RBM4: variants seen among roughly 807,000 people sequenced by gnomAD.
The protein encoded by RBM4 is RNA binding motif protein 4.
RBM4 carries 7 observed loss-of-function variants against 29.5 expected under a neutral mutation model. That is an observed-to-expected ratio of 0.24 (90% confidence interval 0.14 to 0.45). The LOEUF (loss-of-function observed/expected upper bound fraction) is 0.45, where lower values mean the gene tolerates loss of function less well. RBM4 is among the 20% of genes least tolerant of loss of function. RBM4 has a pLI of 1.00. For missense variants in RBM4, 387 were observed against 502.3 expected (o/e 0.77, Z 2.19); for synonymous variants, 220 against 205.4 (o/e 1.07, Z -0.61).
chr11:66,656,106 G>A (rs1255965931), intron 2 of RBM4, among the ~76,000 whole-genome samples: 1 of 151,950 alleles, frequency 6.6e-6, no homozygotes, highest in Non-Finnish European at 1.5e-5. Flanking sequence ...GAGTAGCTGG[G>A]ATTACAGGTG....
downstream of RBM4, among the ~76,000 whole-genome samples, chr11:66,650,638 C>T (rs565204122): frequency 8.6e-5 from 13 of 151,496 alleles, no homozygotes; most frequent in South Asian, 4.2e-4. Flanking sequence ...CCGAGGTGGG[C>T]GGATCACGAG....
intron 2 of RBM4, chr11:66,665,278 C>T (rs1274023790): frequency 9.7e-6 from 4 of 413,310 alleles, no homozygotes; most frequent in South Asian, 8.7e-5. Context: ...GGATTCAACT[C>T]CTAGGGAAAG....
chr11:66,639,701 C>T lies in RBM4; in HGVS notation c.-11C>T, dbSNP rs774674888. On this transcript the variant is annotated splice_region_variant and 5_prime_UTR_variant, in exon 2 of 4. Transcript: ENST00000310092. The stretch of plus-strand genomic sequence containing the variant: ...AGATGTCTTGTTTTTCTCTCCCAGG[C>T]TCTTGTCAGGATGGTGAAGCTGTTC... The T allele has an allele frequency of 3.7e-6, 6 of 1,611,720 alleles. No individual in the cohort carries two copies. The highest frequency in any genetic ancestry group is 1.7e-5 in the Admixed American group (1 of 59,928).
At chr11:66,644,913 G>A (rs1938625560) in intron 3 of RBM4, among the ~76,000 whole-genome samples, 1 of 150,904 alleles carries the variant, frequency 6.6e-6, no homozygotes, top group South Asian at 2.1e-4. Flanking sequence ...AGCCCAGCCT[G>A]TCACTTACTT....
intron 2 of RBM4, among the ~76,000 whole-genome samples, chr11:66,656,057 G>A (rs1342031132): frequency 6.6e-6 from 1 of 151,460 alleles, no homozygotes; most frequent in African/African-American, 2.4e-5. Flanking sequence ...CACAACCTCC[G>A]CCTCGCGGGT....
intron 2 of RBM4, among the ~76,000 whole-genome samples, chr11:66,641,622 G>C (rs549128897): frequency 6.6e-6 from 1 of 152,216 alleles, no homozygotes; most frequent in African/African-American, 2.4e-5. Context: ...AGGACAGTGT[G>C]GTCTTGATTC....
intron 2 of RBM4, among the ~76,000 whole-genome samples, chr11:66,658,900 G>A (rs1939015766): frequency 6.7e-6 from 1 of 149,586 alleles, no homozygotes; most frequent in Non-Finnish European, 1.5e-5. Flanking sequence ...TTGGGCCACG[G>A]CACTCTAGCC....
At chr11:66,651,124 G>C (rs1027120921), downstream of RBM4, among the ~76,000 whole-genome samples, 1 of 150,540 alleles carries the variant, frequency 6.6e-6, no homozygotes, top group East Asian at 2.4e-4. Flanking sequence ...AGTAGACTCG[G>C]GGGGGGATGG....
chr11:66,650,554 A>AGAGT (rs1263283599), downstream of RBM4, among the ~76,000 whole-genome samples: 6 of 133,674 alleles, frequency 4.5e-5, no homozygotes, highest in Admixed American at 4.5e-4. Context: ...CTGGGCAACG[A>AGAGT]GAGTGAAAGT....
exon 3 of RBM4, chr11:66,665,911 C>T (rs866420462): frequency 1.3e-6 from 2 of 1,535,416 alleles, no homozygotes; most frequent in East Asian, 2.4e-5. Flanking sequence ...GGCATACATA[C>T]ATTTTCAAGA....
At chr11:66,640,299 C>T (rs1938385147) in intron 2 of RBM4, 176 bp downstream of exon 2, 2 of 840,046 alleles carry the variant, frequency 2.4e-6, no homozygotes, top group East Asian at 2.7e-5. Flanking sequence ...AGGGGCTTTA[C>T]CTTAGGCAAA....
intron 2 of RBM4, among the ~76,000 whole-genome samples, chr11:66,655,468 T>G (rs553307069): frequency 6.6e-6 from 1 of 152,170 alleles, no homozygotes; most frequent in African/African-American, 2.4e-5. Context: ...TTCTTGTAGA[T>G]ACAGGGTTTC....
exon 3 of RBM4, chr11:66,666,199 A>C: frequency 1.2e-6 from 1 of 860,762 alleles, no homozygotes; most frequent in South Asian, 2.4e-5. Flanking sequence ...TCATTCCTAG[A>C]ATTCTCTAAT....
downstream of RBM4, among the ~76,000 whole-genome samples, chr11:66,648,959 C>T (rs142766947): frequency 5.4e-3 from 816 of 150,336 alleles, 11 homozygotes; most frequent in African/African-American, 0.019. Context: ...ATGCTATATT[C>T]ATACTAGATG....
chr11:66,654,548 C>T (rs1270729677), intron 2 of RBM4, among the ~76,000 whole-genome samples: 1 of 151,870 alleles, frequency 6.6e-6, no homozygotes, highest in Non-Finnish European at 1.5e-5. Flanking sequence ...GTCCTCTAGG[C>T]TGGAGTGCTG....
At chr11:66,654,808 G>A (rs1025906695) in intron 2 of RBM4, among the ~76,000 whole-genome samples, 1 of 150,984 alleles carries the variant, frequency 6.6e-6, no homozygotes, top group African/African-American at 2.4e-5. Context: ...GTGAGCCACT[G>A]TGCCCAGCCT....
At chr11:66,645,818 C>G (rs1938666590) in intron 3 of RBM4, among the ~76,000 whole-genome samples, 1 of 152,154 alleles carries the variant, frequency 6.6e-6, no homozygotes, top group South Asian at 2.1e-4. Context: ...AATTTAAGAC[C>G]TTAGTCTGAG....
exon 3 of RBM4, chr11:66,667,557 C>T (rs1230305359): frequency 6.6e-6 from 1 of 152,162 alleles, no homozygotes; most frequent in Non-Finnish European, 1.5e-5. Context: ...ATAAGGACCC[C>T]ATGGGACAGA....
At chr11:66,668,371 C>A in exon 3 of RBM4, 1 of 461,496 alleles carries the variant, frequency 2.2e-6, no homozygotes, top group Non-Finnish European at 3.9e-6. Context: ...AGAATGTTCT[C>A]ACTAACAAAC....
Sources: allele counts gnomAD v4.1 joint callset (sites outside exome capture counted in the v4.1 genomes callset), GRCh38; gene constraint gnomAD v4.1.1; transcripts MANE v1.5; gene names NCBI Gene and HGNC (gene_info 2026-07-23, HGNC 2026-07-21).